The following SCHIP1 variants were observed in gnomAD, a reference collection of about 807,000 sequenced individuals.
SCHIP1 encodes schwannomin-interacting protein 1.
Under a neutral mutation model 29.7 loss-of-function variants are expected in SCHIP1, and 8 were observed. The observed-to-expected ratio is 0.27, with a 90% CI of 0.16 to 0.49. The LOEUF (loss-of-function observed/expected upper bound fraction) is 0.49. Ranked by LOEUF, SCHIP1 falls within the 20% of genes least tolerant of loss-of-function variation. The pLI, the probability that SCHIP1 is intolerant of heterozygous loss-of-function variation, is 0.99. For missense variants in SCHIP1, 193 were observed against 294.6 expected (o/e 0.66, Z 2.52); for synonymous variants, 76 against 94.9 (o/e 0.80, Z 1.16).
chr3:159,837,984 C>G (rs912699925), upstream of SCHIP1, among the ~76,000 whole-genome samples: 29 of 152,194 alleles, frequency 1.9e-4, no homozygotes, highest in Admixed American at 1.1e-3. Context: ...ACCCACCCCT[C>G]TCCTGGACTA....
At chr3:159,800,981 T>A in the SCHIP1 span, among the ~76,000 whole-genome samples, 2 of 145,458 alleles carry the variant, frequency 1.4e-5, no homozygotes, top group Admixed American at 6.8e-5. Flanking sequence ...TTTTTTTTTT[T>A]AATATGCAGT....
the SCHIP1 span, among the ~76,000 whole-genome samples, chr3:159,343,327 T>G: frequency 6.6e-6 from 1 of 152,236 alleles, no homozygotes; most frequent in East Asian, 1.9e-4. Context: ...TACATACATT[T>G]TAATTAGTTA....
At chr3:159,725,501 G>A in the SCHIP1 span, among the ~76,000 whole-genome samples, 2 of 152,098 alleles carry the variant, frequency 1.3e-5, no homozygotes, top group African/African-American at 2.4e-5. Flanking sequence ...CTGGCCTCAA[G>A]GGATCCGCCT....
At chr3:159,455,935 C>T in the SCHIP1 span, among the ~76,000 whole-genome samples, 3 of 152,234 alleles carry the variant, frequency 2.0e-5, no homozygotes, top group Admixed American at 6.5e-5. Flanking sequence ...GAGATGCCAC[C>T]GTAATTAATG....
At chr3:159,887,655 G>A in intron 3 of SCHIP1, 53 bp from the exon 5 acceptor site, 1 of 1,601,684 alleles carries the variant, frequency 6.2e-7, no homozygotes, top group Non-Finnish European at 8.5e-7. Context: ...ATCTCTAAGT[G>A]GATGCTAGCT....
chr3:159,488,140 C>T, the SCHIP1 span, among the ~76,000 whole-genome samples: 8 of 151,816 alleles, frequency 5.3e-5, no homozygotes, highest in Non-Finnish European at 8.8e-5. Context: ...AGCAAAAAAT[C>T]GAAACAAATG....
the SCHIP1 span, among the ~76,000 whole-genome samples, chr3:159,376,336 C>T: frequency 4.6e-5 from 7 of 152,142 alleles, no homozygotes; most frequent in African/African-American, 1.7e-4. Flanking sequence ...AATCATGTTT[C>T]TGGGCCAGTT....
At chr3:159,425,099 A>G in the SCHIP1 span, among the ~76,000 whole-genome samples, 1 of 151,956 alleles carries the variant, frequency 6.6e-6, no homozygotes, top group African/African-American at 2.4e-5. Context: ...GCCAAAATGT[A>G]AAGACCATCG....
At chr3:159,575,539 G>A in the SCHIP1 span, among the ~76,000 whole-genome samples, 143 of 152,150 alleles carry the variant, frequency 9.4e-4, 1 homozygote, top group South Asian at 8.1e-3. Flanking sequence ...AGGCTCAAGC[G>A]ATCCTCCTAA....
At chr3:159,626,022 C>G in the SCHIP1 span, among the ~76,000 whole-genome samples, 13 of 151,160 alleles carry the variant, frequency 8.6e-5, no homozygotes, top group South Asian at 1.0e-3. Flanking sequence ...GGTAGTTGCT[C>G]TATACTAAAC....
the SCHIP1 span, chr3:159,764,422 C>T: frequency 6.4e-7 from 1 of 1,564,344 alleles, no homozygotes; most frequent in Non-Finnish European, 8.7e-7. The surrounding 1 kb of genome is among the most constrained non-coding windows in gnomAD (Gnocchi z 6.1). Context: ...CAGCAGCTCA[C>T]TCTCTACCTC....
rs1021941526 is a variant in SCHIP1, at chr3:159,839,920, C to G, written c.-265C>G. 7.8e-6 allele frequency: 11 copies of G among 1,403,022 alleles called. No individual in the cohort carries two copies. In the Admixed American group the frequency reaches 2.0e-4, roughly 25 times the overall value. 86.9% of individuals were successfully genotyped at this position (1,403,022 alleles called of 1,614,324 possible). On this transcript the variant is annotated 5_prime_UTR_variant, in exon 1 of 7. Transcript: ENST00000445224. ...TGCGGGTGATGAGCGCCCCCTCCCC[C>G]AGCCCGGTCCCAGCTCCATGTTCCT...
the SCHIP1 span, among the ~76,000 whole-genome samples, chr3:159,461,753 T>C: frequency 6.6e-6 from 1 of 152,208 alleles, no homozygotes; most frequent in Admixed American, 6.5e-5. Flanking sequence ...GGGGTCCTTT[T>C]ACTTTTTGCT....
the SCHIP1 span, among the ~76,000 whole-genome samples, chr3:159,303,589 G>A: frequency 1.3e-5 from 2 of 151,870 alleles, no homozygotes; most frequent in Non-Finnish European, 2.9e-5. Flanking sequence ...TTAACCTCTT[G>A]GGTCACAGAC....
chr3:159,322,443 C>T, the SCHIP1 span, among the ~76,000 whole-genome samples: 3 of 152,202 alleles, frequency 2.0e-5, no homozygotes, highest in African/African-American at 7.2e-5. Flanking sequence ...TTCTGATAAC[C>T]CAGCTCTGCT....
chr3:159,646,549 T>C, the SCHIP1 span, among the ~76,000 whole-genome samples: 1 of 152,254 alleles, frequency 6.6e-6, no homozygotes, highest in Non-Finnish European at 1.5e-5. Flanking sequence ...CTACTCTTGC[T>C]CCCTCTCCCC....
At chr3:159,640,370 C>T in the SCHIP1 span, among the ~76,000 whole-genome samples, 1 of 152,272 alleles carries the variant, frequency 6.6e-6, no homozygotes, top group South Asian at 2.1e-4. Flanking sequence ...GTCAATTCCA[C>T]AATGCAGGTC....
At chr3:159,313,165 T>G in the SCHIP1 span, among the ~76,000 whole-genome samples, 1 of 152,308 alleles carries the variant, frequency 6.6e-6, no homozygotes. Context: ...AAAAGCTTCT[T>G]TATCAGTGAT....
At chr3:159,650,831 T>A in the SCHIP1 span, among the ~76,000 whole-genome samples, 24 of 152,168 alleles carry the variant, frequency 1.6e-4, no homozygotes, top group Non-Finnish European at 1.5e-5. Context: ...TTGTTAGGTA[T>A]GTGAAAAATT....
Sources: allele counts gnomAD v4.1 joint callset (sites outside exome capture counted in the v4.1 genomes callset), GRCh38; gene constraint gnomAD v4.1.1; non-coding constraint Gnocchi (gnomAD v3.1); transcripts MANE v1.5; gene names NCBI Gene and HGNC (gene_info 2026-07-23, HGNC 2026-07-21).